FAM186A: variants seen among roughly 807,000 people sequenced by gnomAD.
FAM186A encodes family with sequence similarity 186 member A.
In FAM186A, 163 loss-of-function variants were observed where a neutral mutation model predicts 216.8. The observed-to-expected ratio is 0.75, with a 90% confidence interval of 0.66 to 0.86. The LOEUF (loss-of-function observed/expected upper bound fraction) is 0.86, where lower values mean the gene tolerates loss of function less well. FAM186A is among the 40% of genes least tolerant of loss of function. The pLI, the probability that FAM186A is intolerant of heterozygous loss-of-function variation, is 0.00. For missense variants in FAM186A, 2,184 were observed against 2,746.2 expected, an observed-to-expected ratio of 0.80 and a Z score of 4.58; for synonymous variants, 805 against 1,025.3, an observed-to-expected ratio of 0.79 and a Z score of 4.10.
Position 50,351,382 on chromosome 12 carries a change from T to C in FAM186A, c.5450A>G (p.Gln1817Arg), listed in dbSNP as rs1486619143. ...GAGCTGCCCAGGGGAGGGAGGGGCC[T>C]GTGGTGCCGGGAACTGCGCAGAAGT... Reference protein sequence around the residue: ...QSTSAQFPAPQAPPSPGQLPI... With the variant: ...QSTSAQFPAPRAPPSPGQLPI... The change falls in exon 4 of 8, where the codon CAG (glutamine) becomes CGG (arginine). Residue 1817 changes from glutamine (Q) to arginine (R), a missense_variant. Transcript: ENST00000327337. The C allele has an allele frequency of 5.4e-6, 8 of 1,472,566 alleles. No homozygotes were observed. In the Admixed American group the frequency reaches 8.2e-5, roughly 15 times the overall value. 91.2% of individuals were successfully genotyped at this position (1,472,566 alleles called of 1,614,324 possible).
In FAM186A at chr12:50,353,672, G is replaced by T. The variant is rs756740354; in HGVS notation, c.3160C>A (p.Leu1054Ile). The change falls in exon 4 of 8, where the codon CTA (leucine) becomes ATA (isoleucine). Residue 1054 changes from leucine to isoleucine, a missense_variant. Transcript: ENST00000327337. ...EPISITPPPS[L>I]QYSLPGALPI... is the part of the protein sequence containing the mutation. ...AGAGCTCCAGGCAGGGAGTATTGTA[G>T]GGAGGGGGGAGGTGTGATTGATATG... 1 of 1,537,072 alleles carries T rather than the reference G, an allele frequency of 6.5e-7. No individual in the cohort carries two copies. Among genetic ancestry groups the T allele is most frequent in the Non-Finnish European group, 8.8e-7 (1 of 1,141,666 alleles).
Position 50,354,556 on chromosome 12 carries a change from A to G in FAM186A, c.2276T>C (p.Met759Thr), listed in dbSNP as rs1942951773. ...PIKQKKVVSFMPGLHFQKSPI... is the reference protein window; with the variant it reads ...PIKQKKVVSFTPGLHFQKSPI... ...TGACTTCTGAAAATGCAATCCTGGC[A>G]TAAATGAGACTACCTTTTTTTGTTT... The change falls in exon 4 of 8, where the codon ATG (methionine) becomes ACG (threonine). Residue 759 changes from methionine (M) to threonine (T), a missense_variant. By Grantham distance (81) the Met-to-Thr change is moderately conservative. Transcript: ENST00000327337. 6.4e-6 allele frequency: 10 copies of G among 1,551,498 alleles called. No homozygotes were observed. Among genetic ancestry groups the G allele is most frequent in the Non-Finnish European group, 8.7e-6 (10 of 1,146,992 alleles).
At position 50,350,325 on chromosome 12, in the gene FAM186A, C is replaced by G. The variant is rs113065589; in HGVS notation, c.6503+4G>C. On this transcript the variant is annotated splice_donor_region_variant and intron_variant, in intron 4 of 7. Transcript: ENST00000327337. Reference sequence around the variant, plus strand: ...GAAAACTAGACGTAAATAATTATATCTACCTGGCATGCTGGATCAGCCTAT... The same window carrying G: ...GAAAACTAGACGTAAATAATTATATGTACCTGGCATGCTGGATCAGCCTAT... 8.1e-4 allele frequency: 1,219 copies of G among 1,512,582 alleles called. 3 individuals are homozygous for G. Among genetic ancestry groups the G allele is most frequent in the Non-Finnish European group, 8.2e-4 (929 of 1,127,940 alleles). The allele number at this position is 1,512,582 out of a possible 1,614,324, so 93.7% of individuals were successfully genotyped here.
intron 1 of FAM186A, among the ~76,000 whole-genome samples, chr12:50,363,569 A>G (rs537020606): frequency 1.8e-4 from 28 of 152,184 alleles, no homozygotes; most frequent in Non-Finnish European, 1.8e-4. Flanking sequence ...ATGCTATGAT[A>G]TAATGGAAAG....
At position 50,351,817 on chromosome 12, in the gene FAM186A, T is replaced by G; in HGVS notation, c.5015A>C (p.Glu1672Ala). Residue 1672 changes from glutamate (E) to alanine (A), a missense_variant, in exon 4 of 8, where the codon GAG (glutamate) becomes GCG (alanine). Around this residue, in one of 7 missense-constraint regions of FAM186A, gnomAD observed 721 missense variants for 816.4 expected, o/e 0.88. Transcript: ENST00000327337. ...TLTSEQTHAL[E>A]SPMNLEQAQE... ...AGCCTGTTCTAAGTTCATAGGGGACTCCAAAGCGTGGGTTTGCTCAGAGGT... is the reference window on the plus strand; with the variant it reads ...AGCCTGTTCTAAGTTCATAGGGGACGCCAAAGCGTGGGTTTGCTCAGAGGT... 6.5e-7 allele frequency: 1 copy of G among 1,546,274 alleles called. No homozygotes were observed. The highest frequency in any genetic ancestry group is 2.4e-5 in the East Asian group (1 of 40,896).
chr12:50,370,013 A>G lies in FAM186A; in HGVS notation c.193-6649T>C, dbSNP rs201507431. ...GTGGTGGGCGCCTGTAGTCCCAGCT[A>G]CTCGGGAGGCTGAGGCAGGAGAATG... On this transcript the variant is annotated intron_variant, in intron 1 of 7. Transcript: ENST00000327337. Among the ~76,000 whole-genome samples, 6 of 147,614 alleles carry G rather than the reference A, an allele frequency of 4.1e-5. No individual in the cohort carries two copies. In the East Asian group the frequency reaches 1.2e-3, roughly 30 times the overall value.
chr12:50,328,993 C>A (rs887402885), intron 7 of FAM186A, among the ~76,000 whole-genome samples: 1 of 152,056 alleles, frequency 6.6e-6, no homozygotes, highest in Non-Finnish European at 1.5e-5. Context: ...GTGGCATGCA[C>A]CTGTAGTCCC....
chr12:50,337,845 A>C (rs981908851), intron 4 of FAM186A, among the ~76,000 whole-genome samples: 1 of 152,106 alleles, frequency 6.6e-6, no homozygotes, highest in Non-Finnish European at 1.5e-5. Flanking sequence ...CCAGTGAGCC[A>C]AGATGGCGCC....
intron 4 of FAM186A, among the ~76,000 whole-genome samples, chr12:50,340,499 CAG>C (rs1398392641): frequency 1.3e-5 from 2 of 151,878 alleles, no homozygotes; most frequent in African/African-American, 4.8e-5. Flanking sequence ...TGCTTGAGCT[CAG>C]GAGTTCAAGA....
intron 4 of FAM186A, among the ~76,000 whole-genome samples, chr12:50,346,261 G>GAAAAGAAAGAAAA (rs1371691701): frequency 6.6e-6 from 1 of 150,618 alleles, no homozygotes; most frequent in Non-Finnish European, 1.5e-5. Context: ...AAGAAAGAAA[G>GAAAAGAAAGAAAA]AAAGTCATAC....
intron 3 of FAM186A, 81 bp downstream of exon 3, chr12:50,360,675 A>T: frequency 9.0e-7 from 1 of 1,115,368 alleles, no homozygotes; most frequent in East Asian, 2.9e-5. Context: ...ATAGAGCGAG[A>T]CTGAAAAAAA....
intron 7 of FAM186A, among the ~76,000 whole-genome samples, 194 bp from the exon 8 acceptor site, chr12:50,327,598 G>C (rs1279234980): frequency 2.1e-5 from 3 of 146,208 alleles, no homozygotes; most frequent in African/African-American, 7.7e-5. Flanking sequence ...CTGTAGTACA[G>C]TGGTGCCATC....
Position 50,355,197 on chromosome 12 carries a change from C to G in FAM186A, c.1635G>C (p.Glu545Asp). The G allele has an allele frequency of 6.4e-7, 1 of 1,551,676 alleles. No homozygotes were observed. The highest frequency in any genetic ancestry group is 2.4e-5 in the East Asian group (1 of 40,924). ...GKSGTSMMML[E>D]QFRKVKRESP... Reference sequence around the variant, plus strand: ...ATTCACGTTTGACCTTCCTAAATTGCTCCAACATCATCATACTTGTTCCAC... The same window carrying G: ...ATTCACGTTTGACCTTCCTAAATTGGTCCAACATCATCATACTTGTTCCAC... The change falls in exon 4 of 8, where the codon GAG becomes GAC. Residue 545 changes from glutamate to aspartate, a missense_variant. Around this residue, in one of 7 missense-constraint regions of FAM186A, gnomAD observed 1,132 missense variants for 1,263.4 expected, o/e 0.90. Coordinates refer to ENST00000327337, the MANE Select transcript of FAM186A (RefSeq NM_001145475.3).
At position 50,350,395 on chromosome 12, in the gene FAM186A, A is replaced by T. The variant is rs1020942965; in HGVS notation, c.6437T>A (p.Met2146Lys). 2 of 1,551,300 alleles carry T rather than the reference A, an allele frequency of 1.3e-6. No homozygotes were observed. The highest frequency in any genetic ancestry group is 2.7e-5 in the African/African-American group (2 of 73,014). The change falls in exon 4 of 8, where the codon ATG (methionine) becomes AAG (lysine). Residue 2146 changes from methionine to lysine, a missense_variant. Physicochemically the swap from Met to Lys is moderately conservative, Grantham distance 95. Coordinates refer to ENST00000327337, the MANE Select transcript of FAM186A (RefSeq NM_001145475.3). ...ARTLIIEILH[M>K]DTVQLGYLFR... ...TAAGTATCCCAACTGAACTGTGTCC[A>T]TATGAAGTATCTCAATTATGAGAGT...
chr12:50,362,224 T>C (rs1337001868), intron 2 of FAM186A, among the ~76,000 whole-genome samples: 1 of 150,540 alleles, frequency 6.6e-6, no homozygotes, highest in East Asian at 2.0e-4. Flanking sequence ...CCACCTGCCT[T>C]GGCCTCCCAA....
At chr12:50,367,962 A>G (rs1420237762) in intron 1 of FAM186A, among the ~76,000 whole-genome samples, 1 of 152,196 alleles carries the variant, frequency 6.6e-6, no homozygotes, top group Non-Finnish European at 1.5e-5. Context: ...CCTGGCCAAC[A>G]TGGTGAAACC....
intron 7 of FAM186A, among the ~76,000 whole-genome samples, chr12:50,328,245 G>A (rs1452859270): frequency 6.6e-6 from 1 of 152,146 alleles, no homozygotes; most frequent in Admixed American, 6.5e-5. Flanking sequence ...GGCCAGGTGT[G>A]CCTGTAATCC....
In FAM186A at chr12:50,351,779, A is replaced by G; in HGVS notation, c.5053T>C (p.Leu1685=). ...MNLEQAQEQL[L]KLGVPLTLDK... is the part of the protein sequence containing the mutation. ...AAGGTGAGAGGAACCCCTAACTTCA[A>G]TAACTGTTCTTGAGCCTGTTCTAAG... The change falls in exon 4 of 8, where the codon TTG becomes CTG. Residue 1685 remains leucine, a synonymous_variant. Transcript: ENST00000327337. The G allele has an allele frequency of 6.4e-7, 1 of 1,550,834 alleles. No homozygotes were observed. The highest frequency in any genetic ancestry group is 2.0e-5 in the Admixed American group (1 of 50,890).
At chr12:50,357,516 A>ACAG (rs148904185) in intron 3 of FAM186A, among the ~76,000 whole-genome samples, 1 of 142,398 alleles carries the variant, frequency 7.0e-6, no homozygotes, top group East Asian at 2.1e-4. Flanking sequence ...AAAAAAAAAA[A>ACAG]AAGACACACA....
Sources: gnomAD v4.1 joint callset for allele counts (sites outside exome capture counted in the v4.1 genomes callset) on GRCh38, gnomAD v4.1.1 for gene constraint, gnomAD v4.1.1 regional missense constraint, MANE v1.5 for transcripts, NCBI Gene and HGNC (gene_info 2026-07-23, HGNC 2026-07-21) for gene names.